Variants in DMRT1 observed in about 807,000 individuals in gnomAD.
DMRT1 encodes the protein doublesex- and mab-3-related transcription factor 1.
Under a neutral mutation model 32.3 loss-of-function variants are expected in DMRT1, and 7 were observed. The observed-to-expected ratio is 0.22, with a 90% CI of 0.12 to 0.41. The LOEUF (loss-of-function observed/expected upper bound fraction) is 0.41, where lower values mean the gene tolerates loss of function less well. Among genes scored for constraint, DMRT1 ranks in the 10% least tolerant of loss-of-function variants. DMRT1 has a pLI of 1.00. For synonymous variants in DMRT1, 278 were observed against 206.1 expected (o/e 1.35, Z -2.99); for missense variants, 625 against 500.5 (o/e 1.25, Z -2.37).
chr9:912,175 A>G (rs1818013597), intron 3 of DMRT1, among the ~76,000 whole-genome samples: 1 of 152,190 alleles, frequency 6.6e-6, no homozygotes, highest in African/African-American at 2.4e-5. Context: ...AAACACTTTT[A>G]AAGCATCAGA....
intron 2 of DMRT1, among the ~76,000 whole-genome samples, chr9:854,262 G>A (rs1459727443): frequency 1.3e-5 from 2 of 151,954 alleles, no homozygotes; most frequent in Non-Finnish European, 2.9e-5. Flanking sequence ...GACTACAGGT[G>A]CGCTACATGC....
intron 3 of DMRT1, among the ~76,000 whole-genome samples, chr9:902,728 A>T (rs760823834): frequency 2.0e-5 from 3 of 151,882 alleles, no homozygotes; most frequent in Non-Finnish European, 4.4e-5. Context: ...ACCTCGAGTG[A>T]TCCGCCCACC....
intron 3 of DMRT1, among the ~76,000 whole-genome samples, chr9:897,726 G>A (rs1024069078): frequency 9.9e-5 from 15 of 151,832 alleles, no homozygotes; most frequent in Non-Finnish European, 1.5e-4. Context: ...GAGAGCCACC[G>A]CGCCCGGCCT....
chr9:855,634 T>G lies in DMRT1; in HGVS notation c.538+8491T>G, dbSNP rs534570702. Among the ~76,000 whole-genome samples, 41 of 152,376 alleles carry G rather than the reference T, an allele frequency of 2.7e-4. 1 individual carries two copies. The highest frequency in any genetic ancestry group is 9.1e-4 in the African/African-American group (38 of 41,592). ...AAACATATATCTGAATTTTTTTTCT[T>G]TTTGAGACAGGGTCTCGCTTTTTAG... On this transcript the variant is annotated intron_variant, in intron 2 of 4. Coordinates refer to ENST00000382276, the MANE Select transcript of DMRT1 (RefSeq NM_021951.3).
At chr9:846,314 C>T (rs979237462) in intron 1 of DMRT1, among the ~76,000 whole-genome samples, 21 of 151,988 alleles carry the variant, frequency 1.4e-4, no homozygotes, top group Non-Finnish European at 2.1e-4. Context: ...ATTACAGGTG[C>T]GAACCACCAC....
chr9:945,774 G>A (rs376872711), intron 4 of DMRT1, among the ~76,000 whole-genome samples: 4 of 142,276 alleles, frequency 2.8e-5, no homozygotes, highest in African/African-American at 8.0e-5. Flanking sequence ...TAATCTTGGC[G>A]TAATACAGTG....
chr9:915,198 A>T (rs956634050), intron 3 of DMRT1, among the ~76,000 whole-genome samples: 2 of 152,244 alleles, frequency 1.3e-5, no homozygotes. Flanking sequence ...TGTCATAAAT[A>T]ACTGAAGTCC....
intron 2 of DMRT1, among the ~76,000 whole-genome samples, chr9:886,279 G>A (rs1202906343): frequency 3.3e-5 from 5 of 151,986 alleles, no homozygotes; most frequent in South Asian, 2.1e-4. Flanking sequence ...ATTTTTGAGC[G>A]GAGTCTCGCT....
intron 4 of DMRT1, among the ~76,000 whole-genome samples, chr9:959,126 A>G (rs542641487): frequency 6.6e-6 from 1 of 152,396 alleles, no homozygotes; most frequent in East Asian, 1.9e-4. Context: ...CAGCTTTCCC[A>G]GAATCAAATG....
intron 1 of DMRT1, among the ~76,000 whole-genome samples, 189 bp from the exon 2 acceptor site, chr9:846,771 T>C (rs1426621975): frequency 6.6e-6 from 1 of 152,188 alleles, no homozygotes; most frequent in Non-Finnish European, 1.5e-5. Context: ...GCACCTACTG[T>C]CTGGCTCAAA....
At chr9:946,301 A>T (rs1819243452) in intron 4 of DMRT1, among the ~76,000 whole-genome samples, 1 of 152,106 alleles carries the variant, frequency 6.6e-6, no homozygotes. Flanking sequence ...ATGTATTCCT[A>T]GCAATTTGGT....
chr9:865,004 G>C (rs913212051), intron 2 of DMRT1, among the ~76,000 whole-genome samples: 1 of 152,166 alleles, frequency 6.6e-6, no homozygotes, highest in East Asian at 1.9e-4. Flanking sequence ...GGTTTCTAGA[G>C]GCTAATCTTA....
chr9:914,555 C>CA (rs1818107763), intron 3 of DMRT1, among the ~76,000 whole-genome samples: 1 of 104,318 alleles, frequency 9.6e-6, no homozygotes, highest in South Asian at 3.5e-4. Context: ...GCCTGGGCGA[C>CA]AGAGTGGGAC....
chr9:912,828 G>A (rs1006995891), intron 3 of DMRT1, among the ~76,000 whole-genome samples: 3 of 152,074 alleles, frequency 2.0e-5, no homozygotes, highest in African/African-American at 7.2e-5. Context: ...CCAGGGCCCA[G>A]GCCACATCCC....
At chr9:878,200 G>GCCCCCTCC (rs1816585085) in intron 2 of DMRT1, among the ~76,000 whole-genome samples, 1 of 94,040 alleles carries the variant, frequency 1.1e-5, no homozygotes, top group Non-Finnish European at 2.0e-5. Flanking sequence ...TGCAGCTGCT[G>GCCCCCTCC]CCCCCCCCCC....
At chr9:967,917 A>G (rs1233763788) in intron 4 of DMRT1, 68 bp from the exon 5 acceptor site, 1 of 1,466,606 alleles carries the variant, frequency 6.8e-7, no homozygotes, top group Non-Finnish European at 9.4e-7. Flanking sequence ...TGAATGTATA[A>G]AGACCAGCCA....
chr9:912,448 G>T (rs1287729116), intron 3 of DMRT1, among the ~76,000 whole-genome samples: 2 of 152,096 alleles, frequency 1.3e-5, no homozygotes, highest in African/African-American at 4.8e-5. Context: ...GATAGTGAAT[G>T]TTTGAATATA....
intron 3 of DMRT1, among the ~76,000 whole-genome samples, chr9:902,110 A>G (rs886423534): frequency 1.3e-5 from 2 of 151,358 alleles, no homozygotes; most frequent in South Asian, 2.1e-4. Flanking sequence ...GGGTTTTGCC[A>G]TGTTGGCCAG....
intron 4 of DMRT1, among the ~76,000 whole-genome samples, chr9:924,070 C>CTTT (rs1554757297): frequency 2.3e-5 from 2 of 87,040 alleles, no homozygotes; most frequent in Non-Finnish European, 5.2e-5. Context: ...TGATCAATCT[C>CTTT]TTTTTTTTTT....
Sources: allele counts gnomAD v4.1 joint callset (sites outside exome capture counted in the v4.1 genomes callset), GRCh38; gene constraint gnomAD v4.1.1; transcripts MANE v1.5; gene names NCBI Gene and HGNC (gene_info 2026-07-23, HGNC 2026-07-21).